Variants in TENM2 observed in about 807,000 individuals in gnomAD.
TENM2 encodes teneurin-2.
A neutral mutation model predicts 245.2 loss-of-function variants in TENM2; 52 were observed. The ratio of observed to expected loss-of-function variants is 0.21; its 90% confidence interval spans 0.17 to 0.27. The LOEUF (loss-of-function observed/expected upper bound fraction) is 0.27, where lower values mean the gene tolerates loss of function less well. TENM2 is among the 10% of genes least tolerant of loss of function. TENM2 has a pLI of 1.00. For missense variants in TENM2, 3,046 were observed against 3,666.8 expected, an observed-to-expected ratio of 0.83 and a Z score of 4.37; for synonymous variants, 1,363 against 1,438.9, an observed-to-expected ratio of 0.95 and a Z score of 1.19.
intron 2 of TENM2, among the ~76,000 whole-genome samples, chr5:167,580,181 G>A (rs566609860): frequency 6.6e-6 from 1 of 152,306 alleles, no homozygotes; most frequent in East Asian, 1.9e-4. Context: ...ACTACCTGAC[G>A]TGAAACATTT....
intron 7 of TENM2, among the ~76,000 whole-genome samples, chr5:168,086,303 A>G (rs765090936): frequency 6.6e-6 from 1 of 152,194 alleles, no homozygotes; most frequent in Non-Finnish European, 1.5e-5. Flanking sequence ...AGTCTCTGCC[A>G]AGAAGTGGGG....
intron 2 of TENM2, 70 bp downstream of exon 4, chr5:167,375,543 T>C (rs1203926016): frequency 2.7e-5 from 40 of 1,457,956 alleles, no homozygotes; most frequent in Non-Finnish European, 3.7e-5. Flanking sequence ...AATGTTTTTG[T>C]TTTTTAATGA....
chr5:167,588,972 G>A (rs1273738567), intron 2 of TENM2, among the ~76,000 whole-genome samples: 1 of 152,178 alleles, frequency 6.6e-6, no homozygotes, highest in African/African-American at 2.4e-5. Context: ...AGGCTGAGGT[G>A]GGCGGATCCC....
rs192835450 is a variant in TENM2, at chr5:168,031,535, C to A, written c.1187-15892C>A. ...ACTTTATTTCATTGAATGTGGCAAC[C>A]CCCCTGGGAGGTAGGAAGTTTTATG... On this transcript the variant is annotated intron_variant, in intron 5 of 28. Transcript: ENST00000518659. Among the ~76,000 whole-genome samples, 1,037 of 152,126 alleles carry A rather than the reference C, an allele frequency of 6.8e-3. 7 individuals carry two copies. The highest frequency in any genetic ancestry group is 0.011 in the Non-Finnish European group (766 of 68,000).
chr5:167,298,934 T>G (rs1037937083), intron 1 of TENM2, among the ~76,000 whole-genome samples: 7 of 152,140 alleles, frequency 4.6e-5, no homozygotes, highest in Admixed American at 2.0e-4. Flanking sequence ...GACAAGTTTT[T>G]GGGGGCACAG....
chr5:168,175,669 T>C (rs978386195), intron 13 of TENM2, among the ~76,000 whole-genome samples: 7 of 152,142 alleles, frequency 4.6e-5, no homozygotes, highest in African/African-American at 1.4e-4. Context: ...CTCAGACCCT[T>C]TTTCTGAAAG....
the TENM2 span, among the ~76,000 whole-genome samples, chr5:167,260,648 T>C: frequency 1.3e-5 from 2 of 152,238 alleles, no homozygotes; most frequent in African/African-American, 4.8e-5. Flanking sequence ...TGTGGAGCAC[T>C]GTGCTAGGCA....
intron 2 of TENM2, among the ~76,000 whole-genome samples, chr5:167,545,950 A>G (rs959804832): frequency 6.6e-6 from 1 of 152,240 alleles, no homozygotes; most frequent in African/African-American, 2.4e-5. Flanking sequence ...AAAGTTTAGT[A>G]ATAATGATTT....
At chr5:168,189,173 C>T (rs984601201) in intron 13 of TENM2, among the ~76,000 whole-genome samples, 1 of 152,166 alleles carries the variant, frequency 6.6e-6, no homozygotes, top group Non-Finnish European at 1.5e-5. Flanking sequence ...TTAATTACCT[C>T]CCAAAAGCCC....
chr5:167,538,323 AT>A (rs1771981975), intron 2 of TENM2, among the ~76,000 whole-genome samples: 1 of 152,254 alleles, frequency 6.6e-6, no homozygotes, highest in Non-Finnish European at 1.5e-5. Context: ...TACAAGGCTC[AT>A]CAAACACTTT....
chr5:167,591,329 C>T lies in TENM2; in HGVS notation c.502+215856C>T, dbSNP rs552219760. ...TCCCAGATTTAATGTATGACATAAA[C>T]ATTTGCTATTTTTTGAAGACAGAGA... On this transcript the variant is annotated intron_variant, in intron 2 of 28. Transcript: ENST00000518659. 2.6e-5 allele frequency among the ~76,000 whole-genome samples: 4 copies of T among 152,256 alleles called. No homozygotes were observed. In the South Asian group the frequency reaches 6.2e-4, roughly 24 times the overall value.
intron 2 of TENM2, among the ~76,000 whole-genome samples, chr5:167,630,231 C>T (rs1440003676): frequency 6.6e-6 from 1 of 151,758 alleles, no homozygotes; most frequent in African/African-American, 2.4e-5. Context: ...TTACCAGCAT[C>T]ACAACTCTTG....
chr5:168,157,378 A>C (rs1242995636), intron 12 of TENM2, among the ~76,000 whole-genome samples: 1 of 152,154 alleles, frequency 6.6e-6, no homozygotes. Context: ...AAAGCTATTG[A>C]AGTGTTTCCA....
At chr5:167,263,494 A>T in the TENM2 span, among the ~76,000 whole-genome samples, 1 of 152,220 alleles carries the variant, frequency 6.6e-6, no homozygotes, top group Non-Finnish European at 1.5e-5. Context: ...ACAGAATTCT[A>T]TGAATTCCAT....
chr5:167,405,640 G>T (rs372345883), intron 2 of TENM2, among the ~76,000 whole-genome samples: 97 of 151,944 alleles, frequency 6.4e-4, no homozygotes, highest in African/African-American at 2.3e-3. Context: ...CTCTGCAAAA[G>T]ATTCAGCAAA....
At chr5:167,382,644 A>G (rs1356980635) in intron 2 of TENM2, among the ~76,000 whole-genome samples, 1 of 152,176 alleles carries the variant, frequency 6.6e-6, no homozygotes, top group Non-Finnish European at 1.5e-5. Context: ...AGGTTAACAG[A>G]TAACCTATGC....
intron 2 of TENM2, among the ~76,000 whole-genome samples, chr5:167,409,675 C>A (rs932200697): frequency 5.3e-5 from 8 of 151,802 alleles, no homozygotes; most frequent in African/African-American, 1.9e-4. Flanking sequence ...ATAAAAAATT[C>A]CTGTATGCAA....
At chr5:168,075,165 T>A (rs1219887515) in intron 7 of TENM2, among the ~76,000 whole-genome samples, 1 of 152,176 alleles carries the variant, frequency 6.6e-6, no homozygotes, top group African/African-American at 2.4e-5. Flanking sequence ...CAGCTCCCAC[T>A]TATGAGTGAG....
chr5:167,117,256 C>A, the TENM2 span, among the ~76,000 whole-genome samples: 1 of 152,238 alleles, frequency 6.6e-6, no homozygotes. Flanking sequence ...GTAATCCCAG[C>A]ACTTTGGGAG....
Sources: allele counts gnomAD v4.1 joint callset (sites outside exome capture counted in the v4.1 genomes callset), GRCh38; gene constraint gnomAD v4.1.1; transcripts MANE v1.5; gene names NCBI Gene and HGNC (gene_info 2026-07-23, HGNC 2026-07-21).